The following SUCLG2 variants were observed in gnomAD, a reference collection of about 807,000 sequenced individuals.
The protein encoded by SUCLG2 is succinate--CoA ligase [GDP-forming] subunit beta, mitochondrial.
SUCLG2 carries 42 observed loss-of-function variants against 47.9 expected under a neutral mutation model. The observed-to-expected ratio is 0.88, with a 90% CI of 0.69 to 1.14. The LOEUF is 1.14. Ranked by LOEUF, SUCLG2 falls within the 50% of genes most tolerant of loss-of-function variation. The pLI is 0.00. For missense variants in SUCLG2, 571 were observed against 525.9 expected (o/e 1.09, Z -0.84); for synonymous variants, 195 against 197.3 (o/e 0.99, Z 0.10).
chr3:67,650,270 A>G (rs1319419060), intron 1 of SUCLG2, among the ~76,000 whole-genome samples: 1 of 152,202 alleles, frequency 6.6e-6, no homozygotes, highest in East Asian at 1.9e-4. Context: ...TTAGTCCTTC[A>G]CTTACAAAAG....
At position 67,442,280 on chromosome 3, in the gene SUCLG2, G is replaced by A. The variant is rs548257885; in HGVS notation, c.1063-41429C>T. Among the ~76,000 whole-genome samples, 11 of 152,280 alleles carry A rather than the reference G, an allele frequency of 7.2e-5. No individual in the cohort carries two copies. The South Asian group carries it at 2.3e-3, about 32-fold the overall frequency. On this transcript the variant is annotated intron_variant, in intron 9 of 10. Coordinates refer to ENST00000307227, the MANE Select transcript of SUCLG2 (RefSeq NM_003848.4). Reference sequence around the variant, plus strand: ...CCGCCTCGGCCTCCCAAAGTGCTGGGATTACAGGCGTGAGCCACCGCGCCC... The same window carrying A: ...CCGCCTCGGCCTCCCAAAGTGCTGGAATTACAGGCGTGAGCCACCGCGCCC...
Position 67,444,871 on chromosome 3 carries a change from G to T in SUCLG2, c.1063-44020C>A, listed in dbSNP as rs1366093854. Reference sequence around the variant, plus strand: ...GCCCCGTCCGGGAGGGAGGTGGGGGGGGTCAGCCCCCCTGCCCGGCCAGCC... The same window carrying T: ...GCCCCGTCCGGGAGGGAGGTGGGGGTGGTCAGCCCCCCTGCCCGGCCAGCC... On this transcript the variant is annotated intron_variant, in intron 9 of 10. Transcript: ENST00000307227. Among the ~76,000 whole-genome samples, 2 of 5,592 alleles carry T rather than the reference G, an allele frequency of 3.6e-4. 1 individual carries two copies. Among genetic ancestry groups the T allele is most frequent in the Non-Finnish European group, 6.0e-4 (2 of 3,336 alleles). The allele number at this position is 5,592 out of a possible 152,430, so 3.7% of individuals were successfully genotyped here. A position where few individuals can be genotyped will look rare whatever the true frequency, so the allele number is the denominator to read the frequency against.
At chr3:67,506,961 G>C (rs1193927778) in intron 7 of SUCLG2, among the ~76,000 whole-genome samples, 2 of 152,186 alleles carry the variant, frequency 1.3e-5, no homozygotes, top group Non-Finnish European at 2.9e-5. Flanking sequence ...GACTCAGAGG[G>C]ACATGGGTTC....
chr3:67,375,619 C>T lies in SUCLG2; in HGVS notation c.*125G>A. The stretch of plus-strand genomic sequence containing the variant: ...CAGAAAACACAGATTTAAGATTTTT[C>T]AGTGATTCTTGCCTTCCCCCTCCCC... On this transcript the variant is annotated 3_prime_UTR_variant, in exon 11 of 11. Coordinates refer to ENST00000307227, the MANE Select transcript of SUCLG2 (RefSeq NM_003848.4). 2.1e-6 allele frequency: 3 copies of T among 1,435,474 alleles called. No homozygotes were observed. Among genetic ancestry groups the T allele is most frequent in the Non-Finnish European group, 1.8e-6 (2 of 1,095,770 alleles). The allele number at this position is 1,435,474 out of a possible 1,614,324, so 88.9% of individuals were successfully genotyped here.
intron 9 of SUCLG2, among the ~76,000 whole-genome samples, chr3:67,416,387 G>A (rs1025440895): frequency 6.6e-6 from 1 of 152,106 alleles, no homozygotes; most frequent in East Asian, 1.9e-4. Flanking sequence ...ATACTAAACT[G>A]CAAGTTCTAA....
chr3:67,398,121 A>C (rs9713818), intron 10 of SUCLG2, among the ~76,000 whole-genome samples: 50,425 of 149,684 alleles, frequency 0.34, 11,515 homozygotes, highest in Middle Eastern at 0.57. Flanking sequence ...CAAGGACTTC[A>C]TGTGTAAAAC....
chr3:67,511,502 C>T (rs1575745007), intron 6 of SUCLG2, among the ~76,000 whole-genome samples: 2 of 152,166 alleles, frequency 1.3e-5, no homozygotes, highest in East Asian at 3.9e-4. Context: ...AGGGGGGGTT[C>T]CTCTGCACAA....
At chr3:67,598,675 A>G (rs1460880689) in intron 2 of SUCLG2, among the ~76,000 whole-genome samples, 1 of 152,064 alleles carries the variant, frequency 6.6e-6, no homozygotes, top group Non-Finnish European at 1.5e-5. Flanking sequence ...TTAAATTACA[A>G]CCCCTGCATC....
intron 9 of SUCLG2, among the ~76,000 whole-genome samples, chr3:67,419,336 A>G (rs776825890): frequency 2.0e-5 from 3 of 152,180 alleles, no homozygotes; most frequent in Admixed American, 2.0e-4. Context: ...ACTCCTTTGA[A>G]CTTACAAGAT....
At chr3:67,598,722 C>T (rs1451481026) in intron 2 of SUCLG2, among the ~76,000 whole-genome samples, 1 of 152,174 alleles carries the variant, frequency 6.6e-6, no homozygotes, top group African/African-American at 2.4e-5. Flanking sequence ...ACACTATTTA[C>T]CGTAACAGCA....
At chr3:67,522,812 C>T (rs1395093195) in intron 4 of SUCLG2, among the ~76,000 whole-genome samples, 2 of 150,694 alleles carry the variant, frequency 1.3e-5, no homozygotes, top group Non-Finnish European at 2.9e-5. Flanking sequence ...TACAGGTGCC[C>T]GCCACCACAC....
At chr3:67,394,299 A>G (rs1559509540) in intron 10 of SUCLG2, among the ~76,000 whole-genome samples, 1 of 152,012 alleles carries the variant, frequency 6.6e-6, no homozygotes, top group African/African-American at 2.4e-5. Flanking sequence ...ATGTATAACT[A>G]GAATAACCAA....
At chr3:67,382,349 G>T (rs777592739) in intron 10 of SUCLG2, among the ~76,000 whole-genome samples, 3 of 152,228 alleles carry the variant, frequency 2.0e-5, no homozygotes, top group Non-Finnish European at 4.4e-5. Context: ...AGGTTCACCT[G>T]AGGGTAAAGC....
intron 2 of SUCLG2, among the ~76,000 whole-genome samples, chr3:67,572,528 A>C (rs147622362): frequency 0.024 from 3,664 of 152,296 alleles, 65 homozygotes; most frequent in Middle Eastern, 0.051. Flanking sequence ...TTGTTCAACA[A>C]AAGAACTTGG....
chr3:67,618,552 G>A (rs1700672318), intron 1 of SUCLG2, among the ~76,000 whole-genome samples: 1 of 152,160 alleles, frequency 6.6e-6, no homozygotes, highest in African/African-American at 2.4e-5. Context: ...CCACTCAGCT[G>A]ATTAAGAGAG....
At chr3:67,469,065 G>T (rs1704540579) in intron 9 of SUCLG2, among the ~76,000 whole-genome samples, 1 of 152,204 alleles carries the variant, frequency 6.6e-6, no homozygotes, top group African/African-American at 2.4e-5. Context: ...GAACAGCTCA[G>T]TCGAAGTCTT....
rs542252920 is a variant in SUCLG2, at chr3:67,651,921, T to C, written c.84+2582A>G. On this transcript the variant is annotated intron_variant, in intron 1 of 10. Transcript: ENST00000307227. ...AATCTGTCATTGGCTGAAATCATTT[T>C]CATTATTGGTTATATGTGTACTGGC... is the stretch of plus-strand genomic sequence containing the variant. Among the ~76,000 whole-genome samples, 10 of 152,316 alleles carry C rather than the reference T, an allele frequency of 6.6e-5. No individual in the cohort carries two copies. The East Asian group carries it at 1.9e-3, about 29-fold the overall frequency.
At chr3:67,527,161 T>A (rs999065174) in intron 4 of SUCLG2, among the ~76,000 whole-genome samples, 7 of 152,202 alleles carry the variant, frequency 4.6e-5, no homozygotes, top group Non-Finnish European at 7.3e-5. Context: ...TCCACAAAAC[T>A]CTCCCTGAAA....
rs563264607 is a variant in SUCLG2 at position 67,404,104 on chromosome 3, G to A, written c.1063-3253C>T. Among the ~76,000 whole-genome samples, 11 of 152,082 alleles carry A rather than the reference G, an allele frequency of 7.2e-5. No individual in the cohort carries two copies. In the South Asian group the frequency reaches 1.9e-3, roughly 26 times the overall value. ...TTTTGCCATGTTGGCCAGCTGTCTC[G>A]AACTCCTGACCTCTACTGATCCTCC... On this transcript the variant is annotated intron_variant, in intron 9 of 10. Transcript: ENST00000307227.
Sources: gnomAD v4.1 joint callset for allele counts (sites outside exome capture counted in the v4.1 genomes callset) on GRCh38, gnomAD v4.1.1 for gene constraint, MANE v1.5 for transcripts, NCBI Gene and HGNC (gene_info 2026-07-23, HGNC 2026-07-21) for gene names.